The following CCBE1 variants were observed in gnomAD, a reference collection of about 807,000 sequenced individuals.
The protein encoded by CCBE1 is collagen and calcium binding EGF domains 1.
Under a neutral mutation model 50.0 loss-of-function variants are expected in CCBE1, and 37 were observed. The ratio of observed to expected loss-of-function variants is 0.74; its 90% CI spans 0.57 to 0.97. The LOEUF (loss-of-function observed/expected upper bound fraction) is 0.97, where lower values mean the gene tolerates loss of function less well. Among genes scored for constraint, CCBE1 ranks in the 50% least tolerant of loss-of-function variants. CCBE1 has a pLI of 0.00. For missense variants in CCBE1, 538 were observed against 523.8 expected (o/e 1.03, Z -0.26); for synonymous variants, 234 against 203.7 (o/e 1.15, Z -1.27).
chr18:59,447,709 G>GT (rs139760810), intron 7 of CCBE1, among the ~76,000 whole-genome samples: 328 of 152,164 alleles, frequency 2.2e-3, no homozygotes, highest in Middle Eastern at 6.8e-3. Context: ...TTTTCATTTG[G>GT]TTTTTTTAAC....
intron 2 of CCBE1, among the ~76,000 whole-genome samples, chr18:59,547,079 GAA>G (rs1491222320): frequency 2.3e-4 from 29 of 124,092 alleles, no homozygotes; most frequent in Non-Finnish European, 2.9e-4. Context: ...GAGGGGGAGA[GAA>G]AGGGAGAGAG....
At position 59,676,373 on chromosome 18, in the gene CCBE1, C is replaced by T. The variant is rs1420044775; in HGVS notation, c.212+20256G>A. ...GCCCACCCATGGCAAGTCTATGGCT[C>T]TTTATGTTGTAGGCTCTTAGCCTCA... On this transcript the variant is annotated intron_variant, in intron 2 of 10. Transcript: ENST00000439986. Among the ~76,000 whole-genome samples, 4 of 152,186 alleles carry T rather than the reference C, an allele frequency of 2.6e-5. 1 individual carries two copies. Among genetic ancestry groups the T allele is most frequent in the Admixed American group, 2.0e-4 (3 of 15,276 alleles).
chr18:59,644,788 C>T (rs1458665999), intron 2 of CCBE1, among the ~76,000 whole-genome samples: 1 of 152,138 alleles, frequency 6.6e-6, no homozygotes, highest in East Asian at 1.9e-4. Context: ...CACAATGCCT[C>T]CCCATAAAAA....
chr18:59,622,171 C>CA (rs1416156627), intron 2 of CCBE1, among the ~76,000 whole-genome samples: 1 of 152,178 alleles, frequency 6.6e-6, no homozygotes, highest in African/African-American at 2.4e-5. Context: ...CAAGGGTGTT[C>CA]AAGAGGACCT....
chr18:59,666,564 G>A (rs569091774), intron 2 of CCBE1, among the ~76,000 whole-genome samples: 1 of 150,130 alleles, frequency 6.7e-6, no homozygotes, highest in South Asian at 2.1e-4. Flanking sequence ...TGTGGAGAGG[G>A]TTTGCTGCTA....
intron 7 of CCBE1, among the ~76,000 whole-genome samples, chr18:59,442,035 G>C (rs1910453289): frequency 6.6e-6 from 1 of 152,064 alleles, no homozygotes; most frequent in African/African-American, 2.4e-5. Flanking sequence ...TTGCCCCATA[G>C]TCCCATCCTC....
intron 2 of CCBE1, among the ~76,000 whole-genome samples, chr18:59,611,026 G>T (rs2053562111): frequency 6.6e-6 from 1 of 152,252 alleles, no homozygotes. Context: ...GGGACCTCAT[G>T]CTTCAGCACA....
At chr18:59,475,114 A>C (rs1912243856) in intron 3 of CCBE1, among the ~76,000 whole-genome samples, 1 of 152,164 alleles carries the variant, frequency 6.6e-6, no homozygotes, top group South Asian at 2.1e-4. Context: ...ACCAGCTTTC[A>C]GTCATGTAGC....
At chr18:59,664,036 T>C (rs1161084707) in intron 2 of CCBE1, among the ~76,000 whole-genome samples, 3 of 152,258 alleles carry the variant, frequency 2.0e-5, no homozygotes, top group African/African-American at 4.8e-5. Flanking sequence ...GGAACAGAAG[T>C]TGATTTCTCA....
At chr18:59,632,754 TA>T (rs2053865713) in intron 2 of CCBE1, among the ~76,000 whole-genome samples, 1 of 141,530 alleles carries the variant, frequency 7.1e-6, no homozygotes, top group Admixed American at 7.0e-5. Flanking sequence ...CACACCTGGC[TA>T]ATTTTTATTT....
At chr18:59,672,813 A>G (rs948055190) in intron 2 of CCBE1, among the ~76,000 whole-genome samples, 1 of 152,206 alleles carries the variant, frequency 6.6e-6, no homozygotes, top group Non-Finnish European at 1.5e-5. Flanking sequence ...GAACTAAACT[A>G]TGAGGATGCA....
At chr18:59,502,103 C>T (rs1262917222) in intron 2 of CCBE1, among the ~76,000 whole-genome samples, 2 of 152,194 alleles carry the variant, frequency 1.3e-5, no homozygotes, top group East Asian at 3.8e-4. Context: ...ACCTGGCCTA[C>T]GAGTCAGCAT....
rs554128654 is a variant in CCBE1 at position 59,694,035 on chromosome 18, C to T, written c.212+2594G>A. Among the ~76,000 whole-genome samples the T allele has an allele frequency of 2.1e-4, 32 of 152,038 alleles. No individual in the cohort carries two copies. In the East Asian group the frequency reaches 6.2e-3, roughly 29 times the overall value. ...TACAGGTGTGTGCCACCACACCATG[C>T]TAATTTTTGTATTTTTAGTAGAGAC... On this transcript the variant is annotated intron_variant, in intron 2 of 10. Coordinates refer to ENST00000439986, the MANE Select transcript of CCBE1 (RefSeq NM_133459.4).
intron 2 of CCBE1, among the ~76,000 whole-genome samples, chr18:59,651,847 A>G (rs9948243): frequency 0.02 from 3,094 of 152,242 alleles, 65 homozygotes; most frequent in African/African-American, 0.06. Context: ...GTACATGAGA[A>G]TTTTTTTACA....
intron 2 of CCBE1, among the ~76,000 whole-genome samples, chr18:59,617,151 C>T (rs1403852694): frequency 6.6e-6 from 1 of 152,092 alleles, no homozygotes; most frequent in Non-Finnish European, 1.5e-5. Context: ...AAGAAGAGGG[C>T]AGTAATAACC....
intron 2 of CCBE1, among the ~76,000 whole-genome samples, chr18:59,689,307 C>T (rs181492837): frequency 2.0e-4 from 30 of 152,308 alleles, no homozygotes; most frequent in African/African-American, 6.7e-4. Flanking sequence ...ATAGAATGTC[C>T]CACAGGAGTG....
At chr18:59,507,154 A>T (rs1383008102) in intron 2 of CCBE1, among the ~76,000 whole-genome samples, 1 of 152,184 alleles carries the variant, frequency 6.6e-6, no homozygotes, top group Non-Finnish European at 1.5e-5. Context: ...CTGAAAATCA[A>T]CCATATCTTC....
Position 59,434,970 on chromosome 18 carries a change from C to T in CCBE1, c.*938G>A, listed in dbSNP as rs1032781139. The T allele has an allele frequency of 1.3e-5, 2 of 152,212 alleles. No individual in the cohort carries two copies. The highest frequency in any genetic ancestry group is 2.9e-5 in the Non-Finnish European group (2 of 68,070). The allele number at this position is 152,212 out of a possible 1,614,324, so 9.4% of individuals were successfully genotyped here. On this transcript the variant is annotated 3_prime_UTR_variant, in exon 11 of 11. Coordinates refer to ENST00000439986, the MANE Select transcript of CCBE1 (RefSeq NM_133459.4). ...GCCTGGATCATGGCACCTAATGGTA[C>T]CTTCTGGGCACCTGCTCAGAACCAG...
chr18:59,626,371 A>T (rs1299551527), intron 2 of CCBE1, among the ~76,000 whole-genome samples: 1 of 152,200 alleles, frequency 6.6e-6, no homozygotes, highest in Non-Finnish European at 1.5e-5. Flanking sequence ...CAGTATCCAG[A>T]TAAATGTGGA....
Sources: gnomAD v4.1 joint callset for allele counts (sites outside exome capture counted in the v4.1 genomes callset) on GRCh38, gnomAD v4.1.1 for gene constraint, MANE v1.5 for transcripts, NCBI Gene and HGNC (gene_info 2026-07-23, HGNC 2026-07-21) for gene names.